GEMIN7: variants seen among roughly 807,000 people sequenced by gnomAD.
GEMIN7 encodes gem-associated protein 7.
A neutral mutation model predicts 7.8 loss-of-function variants in GEMIN7; 7 were observed. That is an observed-to-expected ratio of 0.90 (90% CI 0.51 to 1.69). The LOEUF is 1.69. Among genes scored for constraint, GEMIN7 ranks in the 40% most tolerant of loss-of-function variants. The pLI is 0.00. For missense variants in GEMIN7, 159 were observed against 176.2 expected (o/e 0.90, Z 0.55); for synonymous variants, 68 against 72.4 (o/e 0.94, Z 0.31).
chr19:45,075,844 T>C (rs1426212426), upstream of GEMIN7: 5 of 1,613,750 alleles, frequency 3.1e-6, no homozygotes, highest in South Asian at 3.3e-5. Context: ...TGGGTGTTTG[T>C]CGGTCCAGGG....
In GEMIN7 at chr19:45,090,627, C is replaced by G. The variant is rs1046203795; in HGVS notation, c.*117C>G. The G allele has an allele frequency of 1.1e-4, 121 of 1,054,116 alleles. No homozygotes were observed. The highest frequency in any genetic ancestry group is 2.3e-4 in the Middle Eastern group (1 of 4,386). The allele number at this position is 1,054,116 out of a possible 1,614,324, so 65.3% of individuals were successfully genotyped here. On this transcript the variant is annotated 3_prime_UTR_variant, in exon 3 of 3. Transcript: ENST00000270257. ...TTATGAGCTCCCTTGGAATTTTGAG[C>G]CAAGCTTTAAGCAAGTCTGGACTCC...
rs770813206 is a variant in GEMIN7, at chr19:45,090,518, GTGTTCACTTTTCTGCT to G, written c.*11_*26del. ...TATACCTTCAAGCCATAAAGATATT[GTGTTCACTTTTCTGCT>G]TGAGGCTAAGGCACTGTATCCCAGG... On this transcript the variant is annotated 3_prime_UTR_variant, in exon 3 of 3. Transcript: ENST00000270257. The G allele has an allele frequency of 3.8e-6, 6 of 1,598,034 alleles. No homozygotes were observed. Among genetic ancestry groups the G allele is most frequent in the African/African-American group, 2.7e-5 (2 of 74,632 alleles).
intron 2 of GEMIN7, among the ~76,000 whole-genome samples, chr19:45,086,194 C>T (rs530461926): frequency 2.7e-5 from 4 of 148,842 alleles, no homozygotes; most frequent in East Asian, 2.1e-4. Flanking sequence ...ACCTGGGAGG[C>T]GGAGGTTGCA....
At chr19:45,087,341 A>G (rs1443826369) in intron 2 of GEMIN7, among the ~76,000 whole-genome samples, 1 of 152,102 alleles carries the variant, frequency 6.6e-6, no homozygotes, top group East Asian at 1.9e-4. Context: ...ACGGGGTTTT[A>G]CTATGTTGGC....
In GEMIN7 at chr19:45,090,554, C is replaced by G. The variant is rs1312880135; in HGVS notation, c.*44C>G. ...TCTGCTTGAGGCTAAGGCACTGTAT[C>G]CCAGGCCTCCCAATGTTCCCGAGCC... On this transcript the variant is annotated 3_prime_UTR_variant, in exon 3 of 3. Coordinates refer to ENST00000270257, the MANE Select transcript of GEMIN7 (RefSeq NM_024707.3). The G allele has an allele frequency of 6.5e-7, 1 of 1,541,892 alleles. No individual in the cohort carries two copies. The highest frequency in any genetic ancestry group is 1.4e-5 in the African/African-American group (1 of 73,282).
chr19:45,078,722 G>T (rs554470955), upstream of GEMIN7, among the ~76,000 whole-genome samples: 2 of 152,308 alleles, frequency 1.3e-5, no homozygotes, highest in Admixed American at 6.5e-5. Context: ...AGGAGAAAGT[G>T]AATTCTGACT....
upstream of GEMIN7, chr19:45,076,504 A>T (rs1361305486): frequency 3.1e-6 from 2 of 647,804 alleles, no homozygotes; most frequent in Non-Finnish European, 4.3e-6. The surrounding 1 kb of genome is among the most constrained non-coding windows in gnomAD (Gnocchi z 4.9). Context: ...GAACTCTTAC[A>T]CGTGCTGGCC....
upstream of GEMIN7, chr19:45,076,496 A>G: frequency 1.4e-6 from 1 of 697,210 alleles, no homozygotes; most frequent in Non-Finnish European, 2.0e-6. The surrounding 1 kb of genome is among the most constrained non-coding windows in gnomAD (Gnocchi z 4.9). Context: ...CCCGCCGCGA[A>G]CTCTTACACG....
upstream of GEMIN7, chr19:45,076,387 GGCGA>G (rs750749077): frequency 3.1e-6 from 4 of 1,279,648 alleles, no homozygotes; most frequent in East Asian, 5.9e-5. The surrounding 1 kb of genome is among the most constrained non-coding windows in gnomAD (Gnocchi z 4.9). Context: ...TCGCGGGCCG[GGCGA>G]GCGAGCGGGC....
chr19:45,076,092 C>A, upstream of GEMIN7: 1 of 1,580,184 alleles, frequency 6.3e-7, no homozygotes, highest in South Asian at 1.1e-5. The surrounding 1 kb of genome is among the most constrained non-coding windows in gnomAD (Gnocchi z 4.9). Context: ...AGTTCGGGGT[C>A]AACGGCGTCC....
chr19:45,082,341 G>A (rs1407232789), intron 2 of GEMIN7, among the ~76,000 whole-genome samples: 1 of 152,116 alleles, frequency 6.6e-6, no homozygotes, highest in Non-Finnish European at 1.5e-5. Context: ...ATGCTCAAAC[G>A]TAATCTTATC....
At chr19:45,076,200 C>A, upstream of GEMIN7, 1 of 1,506,116 alleles carries the variant, frequency 6.6e-7, no homozygotes. The surrounding 1 kb of genome is among the most constrained non-coding windows in gnomAD (Gnocchi z 4.9). Context: ...ACCGCCCCGC[C>A]GAGGACACCT....
At chr19:45,080,758 G>GTTTTTTTTTTTTTTTTTTTTTTT (rs199542404) in intron 2 of GEMIN7, among the ~76,000 whole-genome samples, 1 of 121,334 alleles carries the variant, frequency 8.2e-6, no homozygotes. Context: ...AATCTCCCTT[G>GTTTTTTTTTTTTTTTTTTTTTTT]TTTTTTGTTT....
upstream of GEMIN7, among the ~76,000 whole-genome samples, chr19:45,077,084 G>A (rs1043394915): frequency 2.0e-5 from 3 of 152,172 alleles, no homozygotes; most frequent in African/African-American, 7.2e-5. Flanking sequence ...GAAAGGGCAT[G>A]GTGGAGCTGA....
intron 2 of GEMIN7, among the ~76,000 whole-genome samples, chr19:45,087,980 CT>C (rs1967758261): frequency 2.7e-5 from 3 of 109,368 alleles, no homozygotes; most frequent in African/African-American, 1.1e-4. Context: ...GAGTCTTGCT[CT>C]GTCGCCCAGG....
intron 2 of GEMIN7, among the ~76,000 whole-genome samples, chr19:45,086,016 T>C (rs1490260172): frequency 2.0e-5 from 3 of 150,714 alleles, no homozygotes; most frequent in Non-Finnish European, 4.4e-5. Flanking sequence ...TACAGGCGAC[T>C]GCCACCACGC....
At chr19:45,087,168 G>C (rs889499070) in intron 2 of GEMIN7, among the ~76,000 whole-genome samples, 13 of 151,136 alleles carry the variant, frequency 8.6e-5, no homozygotes, top group African/African-American at 3.2e-4. Flanking sequence ...TTTTGAGATA[G>C]AGTATTGCTC....
upstream of GEMIN7, among the ~76,000 whole-genome samples, chr19:45,077,503 G>A (rs954812399): frequency 2.6e-5 from 4 of 152,098 alleles, no homozygotes; most frequent in African/African-American, 7.2e-5. Flanking sequence ...AGTATAGAAC[G>A]GCTTGTGGAC....
At chr19:45,087,663 G>C (rs1262782334) in intron 2 of GEMIN7, among the ~76,000 whole-genome samples, 1 of 152,160 alleles carries the variant, frequency 6.6e-6, no homozygotes, top group African/African-American at 2.4e-5. Context: ...GAGCAAGCGT[G>C]GTACACCACG....
Sources: gnomAD v4.1 joint callset for allele counts (sites outside exome capture counted in the v4.1 genomes callset) on GRCh38, gnomAD v4.1.1 for gene constraint, Gnocchi (gnomAD v3.1) non-coding constraint, MANE v1.5 for transcripts, NCBI Gene and HGNC (gene_info 2026-07-23, HGNC 2026-07-21) for gene names.